The following SLC25A18 variants were observed in gnomAD, a reference collection of about 807,000 sequenced individuals.
SLC25A18 encodes solute carrier family 25 member 18.
Under a neutral mutation model 31.1 loss-of-function variants are expected in SLC25A18, and 24 were observed. The ratio of observed to expected loss-of-function variants is 0.77; its 90% CI spans 0.56 to 1.08. The LOEUF (loss-of-function observed/expected upper bound fraction) is 1.08. Among genes scored for constraint, SLC25A18 ranks in the 50% least tolerant of loss-of-function variants. The pLI, the probability that SLC25A18 is intolerant of heterozygous loss-of-function variation, is 0.00. For synonymous variants in SLC25A18, 173 were observed against 161.9 expected (o/e 1.07, Z -0.52); for missense variants, 371 against 418.5 (o/e 0.89, Z 0.99).
chr22:17,583,083 C>G (rs560189680), intron 6 of SLC25A18, among the ~76,000 whole-genome samples: 7 of 152,154 alleles, frequency 4.6e-5, no homozygotes, highest in Non-Finnish European at 5.9e-5. Flanking sequence ...TCAGGAAAAA[C>G]AAATCAGCCC....
Position 17,579,807 on chromosome 22 carries a change from A to C in SLC25A18, c.-138A>C. 2 of 1,430,080 alleles carry C rather than the reference A, an allele frequency of 1.4e-6. No individual in the cohort carries two copies. The highest frequency in any genetic ancestry group is 1.8e-6 in the Non-Finnish European group (2 of 1,087,622). The allele number at this position is 1,430,080 out of a possible 1,614,324, so 88.6% of individuals were successfully genotyped here. ...GGGAAGGTGGCTCGGGCCAGGCTGC[A>C]CTCAAAACCCGTGCTCTGTCCACAC... On this transcript the variant is annotated 5_prime_UTR_variant, in exon 3 of 11. Transcript: ENST00000327451.
chr22:17,565,862 C>T (rs1187218587), intron 1 of SLC25A18, among the ~76,000 whole-genome samples: 24 of 152,128 alleles, frequency 1.6e-4, no homozygotes, highest in Admixed American at 1.6e-3. Flanking sequence ...AGTGAAGCTC[C>T]GTCTCAAAAA....
intron 9 of SLC25A18, chr22:17,588,951 C>G (rs2057633639): frequency 6.6e-6 from 1 of 151,304 alleles, no homozygotes; most frequent in Non-Finnish European, 1.5e-5. Flanking sequence ...GTAGTCCCAG[C>G]TACTCGGGAG....
At chr22:17,570,220 C>T (rs2057050139) in intron 2 of SLC25A18, 1 of 154,122 alleles carries the variant, frequency 6.5e-6, no homozygotes, top group Admixed American at 6.5e-5. Flanking sequence ...AAGTCAAGAA[C>T]TGGCTCCTGG....
intron 1 of SLC25A18, among the ~76,000 whole-genome samples, chr22:17,569,007 C>A (rs985246763): frequency 5.3e-5 from 8 of 150,132 alleles, no homozygotes; most frequent in Admixed American, 3.3e-4. Flanking sequence ...GGAACCTCTT[C>A]TTTACTTTTT....
At chr22:17,568,555 C>CTTTTTTTTT (rs695361) in intron 1 of SLC25A18, among the ~76,000 whole-genome samples, 3 of 62,534 alleles carry the variant, frequency 4.8e-5, no homozygotes, top group African/African-American at 7.0e-5. Context: ...TAAAGTACAT[C>CTTTTTTTTT]TTTTTTTTTT....
Position 17,590,417 on chromosome 22 carries a change from C to A in SLC25A18, c.*181C>A. 1.5e-6 allele frequency: 1 copy of A among 666,320 alleles called. No individual in the cohort carries two copies. 41.3% of individuals were successfully genotyped at this position (666,320 alleles called of 1,614,324 possible). ...ACAAGTTGAGCACAGCCTTCTTCCC[C>A]TTCGTGTCTACACTCGTTTTCCTTT... is the stretch of plus-strand genomic sequence containing the variant. On this transcript the variant is annotated 3_prime_UTR_variant, in exon 11 of 11. Transcript: ENST00000327451.
At chr22:17,582,837 C>T (rs1171900677) in intron 6 of SLC25A18, among the ~76,000 whole-genome samples, 184 bp downstream of exon 6, 4 of 152,140 alleles carry the variant, frequency 2.6e-5, no homozygotes, top group African/African-American at 9.7e-5. Flanking sequence ...AGCTGGTATA[C>T]TTTGGAAGTG....
chr22:17,565,315 T>G (rs2056907682), intron 1 of SLC25A18, among the ~76,000 whole-genome samples: 1 of 152,052 alleles, frequency 6.6e-6, no homozygotes, highest in Non-Finnish European at 1.5e-5. Flanking sequence ...TCTCCTGACC[T>G]CGTGATCCAC....
At position 17,570,073 on chromosome 22, in the gene SLC25A18, GC is replaced by G. The variant is rs370750812; in HGVS notation, c.-201+88del. ...TAAACCATTGGGGGAAAGGGGAAGA[GC>G]AGCCAGTGGGACAGGGACACTCATC... is the stretch of plus-strand genomic sequence containing the variant. On this transcript the variant is annotated intron_variant, in intron 2 of 10. Transcript: ENST00000327451. 5.2e-4 allele frequency: 461 copies of G among 887,120 alleles called. 6 individuals are homozygous for G. In the African/African-American group the frequency reaches 8.0e-3, roughly 15 times the overall value. 55.0% of individuals were successfully genotyped at this position (887,120 alleles called of 1,614,324 possible). A position where few individuals can be genotyped will look rare whatever the true frequency, so the allele number is the denominator to read the frequency against.
Position 17,590,933 on chromosome 22 carries a change from T to C in SLC25A18, c.*697T>C, listed in dbSNP as rs1601362883. The C allele has an allele frequency of 6.6e-6, 1 of 152,246 alleles. No individual in the cohort carries two copies. Among genetic ancestry groups the C allele is most frequent in the Non-Finnish European group, 1.5e-5 (1 of 68,050 alleles). The allele number at this position is 152,246 out of a possible 1,614,324, so 9.4% of individuals were successfully genotyped here. On this transcript the variant is annotated 3_prime_UTR_variant, in exon 11 of 11. Transcript: ENST00000327451. ...ACAGCAGATAGGCTGCAGTGAATGC[T>C]ATCACCATCTACTTTTCTACGTCCA...
At chr22:17,566,392 C>T (rs2146200743) in intron 1 of SLC25A18, among the ~76,000 whole-genome samples, 1 of 152,088 alleles carries the variant, frequency 6.6e-6, no homozygotes, top group South Asian at 2.1e-4. Flanking sequence ...CATCTCTTCC[C>T]TCCTGTGAGC....
At chr22:17,582,365 G>T (rs538049740) in intron 5 of SLC25A18, 198 bp from the exon 6 acceptor site, 4 of 466,866 alleles carry the variant, frequency 8.6e-6, no homozygotes, top group Non-Finnish European at 1.5e-5. Flanking sequence ...GACAGAGCGA[G>T]ACTCCATCTA....
chr22:17,588,067 A>G lies in SLC25A18; in HGVS notation c.718A>G (p.Thr240Ala). ...AGGTTCCATAGCTGCGGTCGCAGTGACGCCTCTAGATGGTAAGGAGTTGGG... is the reference window on the plus strand; with the variant it reads ...AGGTTCCATAGCTGCGGTCGCAGTGGCGCCTCTAGATGGTAAGGAGTTGGG... ...VAGSIAAVAV[T>A]PLDVLKTRIQ... The change falls in exon 9 of 11, where the codon ACG becomes GCG. Residue 240 changes from threonine (T) to alanine (A), a missense_variant. Coordinates refer to ENST00000327451, the MANE Select transcript of SLC25A18 (RefSeq NM_031481.3). 1 of 1,614,102 alleles carries G rather than the reference A, an allele frequency of 6.2e-7. No homozygotes were observed. The highest frequency in any genetic ancestry group is 8.5e-7 in the Non-Finnish European group (1 of 1,180,036).
At chr22:17,572,845 G>T (rs1449219505) in intron 2 of SLC25A18, among the ~76,000 whole-genome samples, 3 of 151,884 alleles carry the variant, frequency 2.0e-5, no homozygotes, top group African/African-American at 7.3e-5. Flanking sequence ...GTTTCACCGT[G>T]TTAGCCAGGA....
intron 1 of SLC25A18, among the ~76,000 whole-genome samples, chr22:17,565,075 T>C (rs911225703): frequency 2.6e-5 from 4 of 151,528 alleles, no homozygotes; most frequent in African/African-American, 9.7e-5. Flanking sequence ...TCTGTTTTTG[T>C]TTTGTTTTGT....
chr22:17,572,134 C>A (rs1187768223), intron 2 of SLC25A18, among the ~76,000 whole-genome samples: 1 of 151,994 alleles, frequency 6.6e-6, no homozygotes, highest in Non-Finnish European at 1.5e-5. Flanking sequence ...TTGCAGCGAG[C>A]CGAGATCACG....
chr22:17,581,517 C>T, intron 5 of SLC25A18, 104 bp downstream of exon 5: 2 of 1,289,330 alleles, frequency 1.6e-6, no homozygotes, highest in East Asian at 4.6e-5. Context: ...GCCAGGGCTG[C>T]CAGGGGGTCC....
rs965489183 is a variant in SLC25A18, at chr22:17,581,022, C to T, written c.21-15C>T. The T allele has an allele frequency of 7.8e-6, 12 of 1,539,974 alleles. No individual in the cohort carries two copies. Among genetic ancestry groups the T allele is most frequent in the Non-Finnish European group, 9.6e-6 (11 of 1,140,264 alleles). On this transcript the variant is annotated splice_polypyrimidine_tract_variant and intron_variant, in intron 3 of 10. Coordinates refer to ENST00000327451, the MANE Select transcript of SLC25A18 (RefSeq NM_031481.3). ...CCTCTGCCTCTCTCCTCCCCCTGTC[C>T]TCCCCCTGTCCTAGCATCACAGCCA...
Sources: gnomAD v4.1 joint callset for allele counts (sites outside exome capture counted in the v4.1 genomes callset) on GRCh38, gnomAD v4.1.1 for gene constraint, MANE v1.5 for transcripts, NCBI Gene and HGNC (gene_info 2026-07-23, HGNC 2026-07-21) for gene names.